The following PADI2 variants were observed in gnomAD, a reference collection of about 807,000 sequenced individuals.
The protein encoded by PADI2 is protein-arginine deiminase type-2.
A neutral mutation model predicts 81.1 loss-of-function variants in PADI2; 70 were observed. The ratio of observed to expected loss-of-function variants is 0.86; its 90% CI spans 0.71 to 1.05. PADI2 has a LOEUF of 1.05. Ranked by LOEUF, PADI2 falls within the 50% of genes least tolerant of loss-of-function variation. The probability of loss-of-function intolerance (pLI) is 0.00; values close to 1 mark genes in which losing one functional copy is unlikely to be tolerated. For missense variants in PADI2, 853 were observed against 889.9 expected (o/e 0.96, Z 0.53); for synonymous variants, 338 against 358.0 (o/e 0.94, Z 0.63).
chr1:17,077,992 A>G (rs1243330642), intron 11 of PADI2, among the ~76,000 whole-genome samples: 1 of 151,956 alleles, frequency 6.6e-6, no homozygotes, highest in Admixed American at 6.6e-5. Flanking sequence ...GTCTGCTCAT[A>G]CCTCTTTTAA....
chr1:17,112,673 CCTGA>C (rs1432731680), intron 1 of PADI2, among the ~76,000 whole-genome samples: 2 of 152,136 alleles, frequency 1.3e-5, no homozygotes, highest in Admixed American at 6.5e-5. Flanking sequence ...GGGCAGCTGC[CCTGA>C]ACAGGGATCA....
chr1:17,098,901 T>C (rs1486410438), intron 3 of PADI2, among the ~76,000 whole-genome samples: 2 of 152,168 alleles, frequency 1.3e-5, no homozygotes, highest in African/African-American at 4.8e-5. Flanking sequence ...GCCCAGAGCA[T>C]TGCCTCTTGG....
At chr1:17,069,554 C>A (rs1287710541) in intron 15 of PADI2, among the ~76,000 whole-genome samples, 1 of 152,108 alleles carries the variant, frequency 6.6e-6, no homozygotes. Flanking sequence ...TGTACATGTA[C>A]ATGTGTATGA....
intron 1 of PADI2, among the ~76,000 whole-genome samples, chr1:17,107,694 C>T (rs2746497): frequency 0.052 from 7,854 of 152,216 alleles, 653 homozygotes; most frequent in African/African-American, 0.18. Flanking sequence ...TAGAGGCTGC[C>T]GGGCAGTGTC....
rs537570368 is a variant in PADI2, at chr1:17,111,202, C to G, written c.93-6141G>C. ...TCCTGGGTTCAAGCGATTCTCCTGCCTCAGCCTCCTGAGTAGCCGGGATTA... is the reference window on the plus strand; with the variant it reads ...TCCTGGGTTCAAGCGATTCTCCTGCGTCAGCCTCCTGAGTAGCCGGGATTA... On this transcript the variant is annotated intron_variant, in intron 1 of 15. Transcript: ENST00000375486. Among the ~76,000 whole-genome samples the G allele has an allele frequency of 5.4e-4, 81 of 151,120 alleles. 1 individual carries two copies. Among genetic ancestry groups the G allele is most frequent in the Non-Finnish European group, 2.1e-4 (14 of 67,882 alleles).
At chr1:17,075,913 A>T in intron 11 of PADI2, 90 bp from the exon 12 acceptor site, 7 of 1,246,186 alleles carry the variant, frequency 5.6e-6, no homozygotes, top group Non-Finnish European at 8.1e-6. Flanking sequence ...CCCACCTCGG[A>T]CCCAGAGTGA....
intron 7 of PADI2, among the ~76,000 whole-genome samples, chr1:17,085,994 A>T (rs1930381338): frequency 6.6e-6 from 1 of 152,182 alleles, no homozygotes; most frequent in Non-Finnish European, 1.5e-5. Flanking sequence ...CTCCTCATCC[A>T]GTTTCTCCCC....
chr1:17,085,472 C>T (rs952771103), intron 7 of PADI2, among the ~76,000 whole-genome samples: 4 of 152,116 alleles, frequency 2.6e-5, no homozygotes, highest in African/African-American at 4.8e-5. Flanking sequence ...GCCCCATCCC[C>T]GTCCCCTATC....
chr1:17,087,121 C>G (rs766750366), intron 6 of PADI2, among the ~76,000 whole-genome samples: 1 of 152,192 alleles, frequency 6.6e-6, no homozygotes, highest in Non-Finnish European at 1.5e-5. Flanking sequence ...GACTCAGATT[C>G]AAGTCGAATT....
chr1:17,108,776 ATC>A (rs1013609678), intron 1 of PADI2, among the ~76,000 whole-genome samples: 5 of 152,218 alleles, frequency 3.3e-5, no homozygotes, highest in Admixed American at 6.5e-5. Context: ...ATGCTATAAA[ATC>A]TCTGTTTAAA....
intron 1 of PADI2, among the ~76,000 whole-genome samples, chr1:17,110,551 G>A (rs1016692683): frequency 2.0e-5 from 3 of 152,168 alleles, no homozygotes; most frequent in African/African-American, 7.2e-5. Flanking sequence ...GCTCCTCAGT[G>A]CCTACCCATA....
intron 13 of PADI2, 64 bp downstream of exon 13, chr1:17,074,792 C>A: frequency 9.9e-7 from 1 of 1,010,668 alleles, no homozygotes; most frequent in Non-Finnish European, 1.5e-6. Flanking sequence ...CTGCCCCACC[C>A]TCCCGAGGGT....
intron 2 of PADI2, among the ~76,000 whole-genome samples, chr1:17,104,342 A>C (rs1435743799): frequency 6.6e-6 from 1 of 151,738 alleles, no homozygotes; most frequent in Non-Finnish European, 1.5e-5. Context: ...TTTTATATTG[A>C]TAGCATGTCA....
At chr1:17,089,715 G>A (rs925742094) in intron 6 of PADI2, among the ~76,000 whole-genome samples, 11 of 152,080 alleles carry the variant, frequency 7.2e-5, no homozygotes, top group Admixed American at 3.9e-4. Flanking sequence ...TCCTTACCCC[G>A]TCCTCCATCC....
intron 1 of PADI2, among the ~76,000 whole-genome samples, chr1:17,118,659 C>T (rs1458491614): frequency 6.6e-6 from 1 of 152,210 alleles, no homozygotes; most frequent in African/African-American, 2.4e-5. Flanking sequence ...GAATATTGTC[C>T]CTCTGTGGTC....
intron 3 of PADI2, among the ~76,000 whole-genome samples, chr1:17,097,943 G>C (rs994683065): frequency 4.6e-5 from 7 of 152,148 alleles, no homozygotes; most frequent in Non-Finnish European, 1.0e-4. Flanking sequence ...TCCTTTTCAA[G>C]GTAAAAATTT....
intron 12 of PADI2, chr1:17,075,366 C>G: frequency 2.7e-6 from 1 of 373,054 alleles, no homozygotes; most frequent in South Asian, 3.6e-5. Context: ...AACACTTGAG[C>G]TGTGGCTAGT....
At chr1:17,079,624 G>A (rs1400385115) in intron 10 of PADI2, among the ~76,000 whole-genome samples, 2 of 151,840 alleles carry the variant, frequency 1.3e-5, no homozygotes, top group South Asian at 2.1e-4. Context: ...GTGTGAGAGT[G>A]CGAGTGAGAG....
At chr1:17,086,088 C>T (rs1237336796) in intron 7 of PADI2, among the ~76,000 whole-genome samples, 1 of 152,140 alleles carries the variant, frequency 6.6e-6, no homozygotes, top group African/African-American at 2.4e-5. Context: ...AGCCTGCAGT[C>T]AGAGTTGGTA....
Sources: gnomAD v4.1 joint callset for allele counts (sites outside exome capture counted in the v4.1 genomes callset) on GRCh38, gnomAD v4.1.1 for gene constraint, MANE v1.5 for transcripts, NCBI Gene and HGNC (gene_info 2026-07-23, HGNC 2026-07-21) for gene names.